PKIB: variants seen among roughly 807,000 people sequenced by gnomAD.
The protein encoded by PKIB is cAMP-dependent protein kinase inhibitor beta.
PKIB carries 2 observed loss-of-function variants against 4.5 expected under a neutral mutation model. That is an observed-to-expected ratio of 0.44 (90% CI 0.18 to 1.39). The LOEUF (loss-of-function observed/expected upper bound fraction) is 1.39, where lower values mean the gene tolerates loss of function less well. PKIB is among the 40% of genes most tolerant of loss of function. The probability of loss-of-function intolerance (pLI) is 0.27; values close to 1 mark genes in which losing one functional copy is unlikely to be tolerated. For synonymous variants in PKIB, 38 were observed against 36.0 expected, an observed-to-expected ratio of 1.06 and a Z score of -0.20; for missense variants, 94 against 92.6, an observed-to-expected ratio of 1.02 and a Z score of -0.06.
intron 2 of PKIB, among the ~76,000 whole-genome samples, chr6:122,524,236 ATCC>A (rs1777030802): frequency 1.1e-5 from 1 of 87,080 alleles, no homozygotes; most frequent in African/African-American, 4.7e-5. Flanking sequence ...CCTCTTCCTC[ATCC>A]TCCTTCTTTT....
intron 4 of PKIB, among the ~76,000 whole-genome samples, chr6:122,719,651 A>G (rs769506645): frequency 6.6e-6 from 1 of 152,018 alleles, no homozygotes; most frequent in Non-Finnish European, 1.5e-5. Context: ...GACTATAGTT[A>G]ATAACAATGT....
intron 2 of PKIB, among the ~76,000 whole-genome samples, chr6:122,564,820 G>A (rs1386597117): frequency 4.6e-5 from 7 of 152,132 alleles, no homozygotes; most frequent in African/African-American, 4.8e-5. Flanking sequence ...TGAAATTTTG[G>A]TGGTGTAGGA....
intron 2 of PKIB, among the ~76,000 whole-genome samples, chr6:122,563,059 G>A (rs1344380805): frequency 2.0e-5 from 3 of 152,074 alleles, no homozygotes; most frequent in East Asian, 3.9e-4. Context: ...TATTACCAGG[G>A]TTGGTTTTCT....
chr6:122,725,386 A>C lies in PKIB; in HGVS notation c.*191A>C. The C allele has an allele frequency of 1.8e-6, 1 of 557,750 alleles. No homozygotes were observed. The highest frequency in any genetic ancestry group is 3.2e-6 in the Non-Finnish European group (1 of 308,604). The allele number at this position is 557,750 out of a possible 1,614,324, so 34.6% of individuals were successfully genotyped here. ...TGATGATGTCCAAGGTAAGCTATTA[A>C]AAGGCAGGTTACTTCCAAATCGCAC... On this transcript the variant is annotated 3_prime_UTR_variant, in exon 5 of 5. Coordinates refer to ENST00000368452, the MANE Select transcript of PKIB (RefSeq NM_181795.3).
intron 2 of PKIB, among the ~76,000 whole-genome samples, chr6:122,633,715 C>T (rs1396242271): frequency 6.6e-6 from 1 of 152,094 alleles, no homozygotes; most frequent in African/African-American, 2.4e-5. Flanking sequence ...AAATTTATAG[C>T]CTTTAAAATA....
chr6:122,516,788 A>G (rs952983455), intron 2 of PKIB, among the ~76,000 whole-genome samples: 1 of 152,228 alleles, frequency 6.6e-6, no homozygotes, highest in South Asian at 2.1e-4. Context: ...GGGAGCATTC[A>G]AGGAATAAAT....
intron 3 of PKIB, among the ~76,000 whole-genome samples, chr6:122,699,835 G>A (rs1023256325): frequency 6.6e-6 from 1 of 152,134 alleles, no homozygotes; most frequent in African/African-American, 2.4e-5. Context: ...TGACCATGAT[G>A]AGAAATTTAG....
chr6:122,645,967 T>C (rs1367323102), intron 2 of PKIB, among the ~76,000 whole-genome samples: 1 of 152,132 alleles, frequency 6.6e-6, no homozygotes, highest in Non-Finnish European at 1.5e-5. Flanking sequence ...ACAATCAGCC[T>C]TGCCTTTTTT....
At chr6:122,538,047 TG>T (rs1777462383) in intron 2 of PKIB, among the ~76,000 whole-genome samples, 1 of 152,078 alleles carries the variant, frequency 6.6e-6, no homozygotes, top group African/African-American at 2.4e-5. Context: ...CTTGTAAATT[TG>T]TTTGAGTTCA....
At position 122,602,905 on chromosome 6, in the gene PKIB, G is replaced by A. The variant is rs1023400991; in HGVS notation, c.-161+16898G>A. ...CAGGAGGCAGAAGTTGCAGCGAGCC[G>A]AGATCGCACCACGGCACTCCAGCCT... On this transcript the variant is annotated intron_variant, in intron 3 of 6. Coordinates refer to the PKIB transcript ENST00000392491. 7.0e-5 allele frequency among the ~76,000 whole-genome samples: 10 copies of A among 143,092 alleles called. No individual in the cohort carries two copies. The South Asian group carries it at 1.6e-3, about 22-fold the overall frequency. The allele number at this position is 143,092 out of a possible 152,430, so 93.9% of individuals were successfully genotyped here.
chr6:122,477,844 C>T (rs777079652), intron 1 of PKIB: 1 of 152,080 alleles, frequency 6.6e-6, no homozygotes, highest in African/African-American at 2.4e-5. Flanking sequence ...GTACTTTTTC[C>T]TCACAGTTTT....
At chr6:122,631,418 A>C (rs1479225605) in intron 1 of PKIB, among the ~76,000 whole-genome samples, 1 of 152,192 alleles carries the variant, frequency 6.6e-6, no homozygotes, top group African/African-American at 2.4e-5. Flanking sequence ...GGGAAGCCAA[A>C]ACAAACTCTT....
At chr6:122,615,826 A>G (rs980379709) in intron 1 of PKIB, among the ~76,000 whole-genome samples, 18 of 152,210 alleles carry the variant, frequency 1.2e-4, no homozygotes, top group Non-Finnish European at 2.5e-4. Flanking sequence ...ACTAGAAGCT[A>G]AGAGAGAGGC....
At chr6:122,645,557 C>T (rs1302817946) in intron 2 of PKIB, among the ~76,000 whole-genome samples, 1 of 152,116 alleles carries the variant, frequency 6.6e-6, no homozygotes. Flanking sequence ...CAGACAATAT[C>T]CAGGCAGATA....
At chr6:122,533,646 G>A (rs1223092268) in intron 2 of PKIB, among the ~76,000 whole-genome samples, 6 of 152,072 alleles carry the variant, frequency 3.9e-5, no homozygotes, top group African/African-American at 9.7e-5. Flanking sequence ...AAATCAATGC[G>A]AGAACAACTT....
chr6:122,554,547 A>T (rs1472197337), intron 2 of PKIB, among the ~76,000 whole-genome samples: 1 of 152,346 alleles, frequency 6.6e-6, no homozygotes, highest in East Asian at 1.9e-4. Context: ...AAGTTATAAG[A>T]TGGCCAGGAA....
chr6:122,592,638 C>T (rs1287847228), intron 3 of PKIB, among the ~76,000 whole-genome samples: 3 of 152,110 alleles, frequency 2.0e-5, no homozygotes, highest in Non-Finnish European at 4.4e-5. Flanking sequence ...ATCAGAAAAA[C>T]GTAAACACTA....
chr6:122,550,080 A>G (rs1772629540), intron 2 of PKIB, among the ~76,000 whole-genome samples: 1 of 151,436 alleles, frequency 6.6e-6, no homozygotes, highest in Non-Finnish European at 1.5e-5. Flanking sequence ...ATGCCCGGCT[A>G]ATTTCTGTAT....
intron 2 of PKIB, among the ~76,000 whole-genome samples, chr6:122,673,239 C>T (rs371055904): frequency 1.3e-5 from 2 of 151,770 alleles, no homozygotes; most frequent in Admixed American, 6.6e-5. Context: ...TTTTAAAATG[C>T]AAATAGCAAT....
Sources: allele counts gnomAD v4.1 joint callset (sites outside exome capture counted in the v4.1 genomes callset), GRCh38; gene constraint gnomAD v4.1.1; transcripts MANE v1.5; gene names NCBI Gene and HGNC (gene_info 2026-07-23, HGNC 2026-07-21).